The following SELENOI variants were observed in gnomAD, a reference collection of about 807,000 sequenced individuals.
SELENOI encodes selenoprotein I, also known as ethanolaminephosphotransferase 1.
SELENOI carries 24 observed loss-of-function variants against 50.7 expected under a neutral mutation model. The ratio of observed to expected loss-of-function variants is 0.47; its 90% CI spans 0.34 to 0.67. The LOEUF (loss-of-function observed/expected upper bound fraction) is 0.67, where lower values mean the gene tolerates loss of function less well. SELENOI is among the 30% of genes least tolerant of loss of function. The pLI, the probability that SELENOI is intolerant of heterozygous loss-of-function variation, is 0.01. For missense variants in SELENOI, 352 were observed against 461.4 expected (o/e 0.76, Z 2.17); for synonymous variants, 155 against 170.2 (o/e 0.91, Z 0.70).
At chr2:26,347,837 A>C (rs1016300374) in intron 1 of SELENOI, among the ~76,000 whole-genome samples, 1 of 152,218 alleles carries the variant, frequency 6.6e-6, no homozygotes, top group Non-Finnish European at 1.5e-5. Flanking sequence ...CAACTAAATA[A>C]GTGTCTTAAT....
intron 2 of SELENOI, 21 bp downstream of exon 2, chr2:26,364,391 G>C (rs916654032): frequency 1.4e-6 from 2 of 1,458,962 alleles, no homozygotes; most frequent in Non-Finnish European, 9.4e-7. Flanking sequence ...TAATATGTAT[G>C]TACTTTTTGT....
At chr2:26,347,007 G>A (rs994297359) in intron 1 of SELENOI, 1 of 152,142 alleles carries the variant, frequency 6.6e-6, no homozygotes, top group Non-Finnish European at 1.5e-5. Context: ...TTTGTGAAGC[G>A]CTTGGCAACA....
chr2:26,352,297 G>A (rs1676976577), intron 1 of SELENOI, among the ~76,000 whole-genome samples: 1 of 152,076 alleles, frequency 6.6e-6, no homozygotes, highest in Non-Finnish European at 1.5e-5. Flanking sequence ...GAGAGAGATA[G>A]AGGTGCTCTG....
At position 26,392,930 on chromosome 2, in the gene SELENOI, C is replaced by A. The variant is rs1225627068; in HGVS notation, c.*3827C>A. On this transcript the variant is annotated 3_prime_UTR_variant, in exon 10 of 10. Coordinates refer to ENST00000260585, the MANE Select transcript of SELENOI (RefSeq NM_033505.4). ...GTTAGCTGCCAGCATTAGAACCTTC[C>A]AGGAAGAATTTTAACTAGTATGCTA... 6.6e-6 allele frequency: 1 copy of A among 152,154 alleles called. No individual in the cohort carries two copies. Among genetic ancestry groups the A allele is most frequent in the Non-Finnish European group, 1.5e-5 (1 of 68,030 alleles). 9.4% of individuals were successfully genotyped at this position (152,154 alleles called of 1,614,324 possible). A position where few individuals can be genotyped will look rare whatever the true frequency, so the allele number is the denominator to read the frequency against.
chr2:26,373,479 T>C lies in SELENOI; in HGVS notation c.423T>C (p.Tyr141=). Residue 141 remains tyrosine, a synonymous_variant, in exon 5 of 10, where the codon TAT becomes TAC. Transcript: ENST00000260585. ...GTGTTTACTTTGTTGTGACTGTTTA[T>C]TCCATCTTTGGAAGAGGATCAACTG... The part of the protein sequence containing the change: ...WSCVYFVVTV[Y]SIFGRGSTGV... 1 of 1,614,020 alleles carries C rather than the reference T, an allele frequency of 6.2e-7. No homozygotes were observed. Among genetic ancestry groups the C allele is most frequent in the Non-Finnish European group, 8.5e-7 (1 of 1,179,880 alleles).
Position 26,346,249 on chromosome 2 carries a change from A to G in SELENOI, c.17A>G (p.Tyr6Cys), listed in dbSNP as rs1428408274. The change falls in exon 1 of 10, where the codon TAC becomes TGC. Residue 6 changes from tyrosine to cysteine, a missense_variant. Tyr to Cys is a radical substitution (Grantham distance 194). Coordinates refer to ENST00000260585, the MANE Select transcript of SELENOI (RefSeq NM_033505.4). MAGYE[Y>C]VSPEQLAGFD... The stretch of plus-strand genomic sequence containing the variant: ...CGGGTCGTCATGGCTGGCTACGAAT[A>G]CGTGAGCCCGGAGCAGCTGGCTGGC... 3 of 1,613,500 alleles carry G rather than the reference A, an allele frequency of 1.9e-6. No homozygotes were observed. The highest frequency in any genetic ancestry group is 2.2e-5 in the East Asian group (1 of 44,870).
At chr2:26,348,691 C>CTTTTTT (rs75143515) in intron 1 of SELENOI, among the ~76,000 whole-genome samples, 1 of 144,558 alleles carries the variant, frequency 6.9e-6, no homozygotes, top group Non-Finnish European at 1.5e-5. Context: ...CTATGGCTGA[C>CTTTTTT]TTTTTTTTTT....
Position 26,386,352 on chromosome 2 carries a change from A to C in SELENOI, c.913-2A>C. The C allele has an allele frequency of 1.2e-6, 2 of 1,603,712 alleles. No homozygotes were observed. The highest frequency in any genetic ancestry group is 1.7e-6 in the Non-Finnish European group (2 of 1,177,084). On this transcript the variant is annotated splice_acceptor_variant, in intron 8 of 9. Transcript: ENST00000260585. LOFTEE classifies it high-confidence loss of function. ...CTCTTATTTTTTTAAATTGACGTCC[A>C]GTGTCAGCTGATTGTTTGCCAAATG... is the stretch of plus-strand genomic sequence containing the variant.
intron 1 of SELENOI, among the ~76,000 whole-genome samples, chr2:26,359,844 G>A (rs1285141090): frequency 1.3e-5 from 2 of 152,086 alleles, no homozygotes; most frequent in East Asian, 3.8e-4. Flanking sequence ...AATGAGGCCC[G>A]ATGACTGTTT....
intron 6 of SELENOI, 137 bp downstream of exon 6, chr2:26,375,285 A>T (rs1400020633): frequency 3.7e-6 from 2 of 541,676 alleles, no homozygotes; most frequent in Middle Eastern, 6.9e-4. Flanking sequence ...ACCTTGTAGG[A>T]TTTCAGCCTA....
intron 1 of SELENOI, among the ~76,000 whole-genome samples, chr2:26,348,996 C>CTTTTTTTTTTTTTTTTTTTTTTTTTTT (rs869073468): frequency 1.7e-5 from 1 of 57,690 alleles, no homozygotes; most frequent in African/African-American, 4.8e-5. Context: ...TTTGGACAGG[C>CTTTTTTTTTTTTTTTTTTTTTTTTTTT]TTTTTTTTTT....
chr2:26,378,523 C>T (rs553060750), intron 6 of SELENOI, among the ~76,000 whole-genome samples: 1 of 152,324 alleles, frequency 6.6e-6, no homozygotes, highest in African/African-American at 2.4e-5. Flanking sequence ...ATATCCCCCA[C>T]CCTGCTTTCT....
intron 1 of SELENOI, among the ~76,000 whole-genome samples, chr2:26,353,323 A>G (rs1019705535): frequency 6.6e-6 from 1 of 152,264 alleles, no homozygotes; most frequent in African/African-American, 2.4e-5. Context: ...CTTGTAAAGA[A>G]ATCTCATTTG....
rs753400128 is a variant in SELENOI, at chr2:26,386,332, AT to A, written c.913-15del. The A allele has an allele frequency of 1.3e-6, 2 of 1,585,382 alleles. No individual in the cohort carries two copies. Among genetic ancestry groups the A allele is most frequent in the African/African-American group, 1.4e-5 (1 of 72,876 alleles). ...TGAAATTTTTCTTTTTTTCTCTCTT[AT>A]TTTTTTAAATTGACGTCCAGTGTCA... On this transcript the variant is annotated intron_variant, in intron 8 of 9. Transcript: ENST00000260585.
chr2:26,388,564 T>C (rs1677896694), intron 9 of SELENOI, among the ~76,000 whole-genome samples: 3 of 152,174 alleles, frequency 2.0e-5, no homozygotes, highest in African/African-American at 7.2e-5. Flanking sequence ...GCTCTTGCCT[T>C]CCCACTAGAG....
At chr2:26,357,518 G>GA (rs1354773451) in intron 1 of SELENOI, among the ~76,000 whole-genome samples, 1 of 152,146 alleles carries the variant, frequency 6.6e-6, no homozygotes, top group Non-Finnish European at 1.5e-5. Context: ...TAGAAGTGTA[G>GA]AAAAACAAGG....
intron 6 of SELENOI, among the ~76,000 whole-genome samples, chr2:26,378,345 AC>A (rs1677611989): frequency 1.3e-5 from 2 of 152,108 alleles, no homozygotes; most frequent in Admixed American, 1.3e-4. Context: ...CTCACCAAGA[AC>A]ACCTCTGTCT....
At chr2:26,346,373 AC>A in intron 1 of SELENOI, 84 bp downstream of exon 1, 1 of 1,432,790 alleles carries the variant, frequency 7.0e-7, no homozygotes. Context: ...GGTCCGTGTC[AC>A]CTTGTGCCGC....
chr2:26,376,689 A>C (rs560406044), intron 6 of SELENOI, among the ~76,000 whole-genome samples: 4 of 152,230 alleles, frequency 2.6e-5, no homozygotes, highest in African/African-American at 9.6e-5. Flanking sequence ...CTTATATTTG[A>C]CCTACCATGT....
Sources: allele counts gnomAD v4.1 joint callset (sites outside exome capture counted in the v4.1 genomes callset), GRCh38; gene constraint gnomAD v4.1.1; transcripts MANE v1.5; gene names NCBI Gene and HGNC (gene_info 2026-07-23, HGNC 2026-07-21).